TNR: variants seen among roughly 807,000 people sequenced by gnomAD.
TNR encodes tenascin-R.
In TNR, 45 loss-of-function variants were observed where a neutral mutation model predicts 150.4. That is an observed-to-expected ratio of 0.30 (90% CI 0.24 to 0.38). TNR has a LOEUF of 0.38. Among genes scored for constraint, TNR ranks in the 10% least tolerant of loss-of-function variants. The pLI, the probability that TNR is intolerant of heterozygous loss-of-function variation, is 1.00. For synonymous variants in TNR, 687 were observed against 678.4 expected, an observed-to-expected ratio of 1.01 and a Z score of -0.20; for missense variants, 1,544 against 1,759.1, an observed-to-expected ratio of 0.88 and a Z score of 2.19.
At chr1:175,607,674 T>A (rs1663455386) in intron 1 of TNR, among the ~76,000 whole-genome samples, 1 of 152,172 alleles carries the variant, frequency 6.6e-6, no homozygotes. Flanking sequence ...TCTGAAAGGA[T>A]CAAAGTGAAC....
intron 2 of TNR, among the ~76,000 whole-genome samples, chr1:175,462,411 G>GA (rs1292646204): frequency 6.6e-6 from 1 of 152,144 alleles, no homozygotes; most frequent in Non-Finnish European, 1.5e-5. Flanking sequence ...CGGGGAGGGA[G>GA]AAAAAATCAA....
Position 175,657,416 on chromosome 1 carries a change from C to T in TNR, c.-165+85810G>A, listed in dbSNP as rs142252696. Among the ~76,000 whole-genome samples the T allele has an allele frequency of 3.8e-3, 574 of 152,302 alleles. 12 individuals are homozygous for T. In the East Asian group the frequency reaches 0.053, roughly 14 times the overall value. On this transcript the variant is annotated intron_variant, in intron 1 of 22. Transcript: ENST00000367674. ...ACCATTTGACCCAGCCATCCCATTA[C>T]TGGGTATATACCCAAAGGATTATAA...
At chr1:175,404,620 G>A (rs990710341) in intron 3 of TNR, among the ~76,000 whole-genome samples, 6 of 152,198 alleles carry the variant, frequency 3.9e-5, no homozygotes, top group South Asian at 2.1e-4. Context: ...ACTTCATGCC[G>A]CCCCCATGAA....
chr1:175,497,282 T>C (rs1658528975), intron 2 of TNR, among the ~76,000 whole-genome samples: 2 of 152,216 alleles, frequency 1.3e-5, no homozygotes, highest in Non-Finnish European at 2.9e-5. Flanking sequence ...CTCTGAGAGA[T>C]CATGTGCTCC....
At chr1:175,543,184 A>C (rs922537816) in intron 1 of TNR, among the ~76,000 whole-genome samples, 12 of 152,200 alleles carry the variant, frequency 7.9e-5, no homozygotes, top group African/African-American at 2.9e-4. Flanking sequence ...TGGGGCAGAA[A>C]GGGTAATAGG....
chr1:175,461,112 C>T (rs961007829), intron 2 of TNR, among the ~76,000 whole-genome samples: 3 of 152,202 alleles, frequency 2.0e-5, no homozygotes, highest in Non-Finnish European at 2.9e-5. Context: ...CCTCAAGAAT[C>T]GCTCCCTTCC....
At chr1:175,651,545 A>G (rs1664997345) in intron 1 of TNR, among the ~76,000 whole-genome samples, 1 of 152,054 alleles carries the variant, frequency 6.6e-6, no homozygotes, top group Non-Finnish European at 1.5e-5. Flanking sequence ...CAAAAAATAT[A>G]TAAAATATAT....
At chr1:175,467,807 T>A (rs886419158) in intron 2 of TNR, among the ~76,000 whole-genome samples, 2 of 152,180 alleles carry the variant, frequency 1.3e-5, no homozygotes, top group Non-Finnish European at 2.9e-5. Context: ...TGAGCTTAAA[T>A]AGCATTTATT....
chr1:175,490,207 A>G (rs536025601), intron 2 of TNR, among the ~76,000 whole-genome samples: 11 of 151,902 alleles, frequency 7.2e-5, no homozygotes, highest in Non-Finnish European at 1.5e-4. Flanking sequence ...TCCTTCCACC[A>G]TATAAAAAAT....
intron 1 of TNR, among the ~76,000 whole-genome samples, chr1:175,742,963 T>TACACACAC (rs66777686): frequency 0.017 from 2,487 of 147,870 alleles, 56 homozygotes; most frequent in African/African-American, 0.049. Flanking sequence ...TATGCAACAG[T>TACACACAC]ACACACACAC....
intron 1 of TNR, among the ~76,000 whole-genome samples, chr1:175,571,889 T>G (rs1413816727): frequency 6.6e-6 from 1 of 151,854 alleles, no homozygotes; most frequent in Non-Finnish European, 1.5e-5. Context: ...ACCACCAGAG[T>G]CCAAGTGAAA....
intron 2 of TNR, among the ~76,000 whole-genome samples, chr1:175,526,241 C>A (rs909300997): frequency 3.3e-5 from 5 of 152,100 alleles, no homozygotes; most frequent in African/African-American, 1.2e-4. Context: ...GTACTAACAG[C>A]ATTAATATCA....
chr1:175,582,440 T>G (rs949623996), intron 1 of TNR, among the ~76,000 whole-genome samples: 2 of 152,230 alleles, frequency 1.3e-5, no homozygotes, highest in Non-Finnish European at 2.9e-5. Context: ...TAAAGACAGT[T>G]GCACCATCAC....
At chr1:175,515,324 C>T (rs986901708) in intron 2 of TNR, among the ~76,000 whole-genome samples, 9 of 152,138 alleles carry the variant, frequency 5.9e-5, no homozygotes, top group African/African-American at 1.7e-4. Flanking sequence ...TCTGTGCTCC[C>T]GCATATAGTA....
chr1:175,395,844 A>C (rs1424889495), intron 5 of TNR, among the ~76,000 whole-genome samples: 3 of 152,222 alleles, frequency 2.0e-5, no homozygotes, highest in Non-Finnish European at 4.4e-5. Context: ...ATGCTTGAAC[A>C]TACACAAAAT....
intron 1 of TNR, among the ~76,000 whole-genome samples, chr1:175,717,908 G>A (rs1667195691): frequency 6.6e-6 from 1 of 152,076 alleles, no homozygotes. Flanking sequence ...CTGCATAATC[G>A]AGAAAGCCAG....
chr1:175,391,869 A>T (rs945602165), intron 6 of TNR, among the ~76,000 whole-genome samples: 1 of 152,216 alleles, frequency 6.6e-6, no homozygotes, highest in Non-Finnish European at 1.5e-5. Flanking sequence ...TTGTGTGTAA[A>T]CATCTTTATA....
intron 2 of TNR, among the ~76,000 whole-genome samples, chr1:175,447,771 C>T (rs1445244679): frequency 6.6e-6 from 1 of 152,164 alleles, no homozygotes; most frequent in South Asian, 2.1e-4. Context: ...GCCTTAGCTC[C>T]GTGTGGTCAG....
intron 1 of TNR, among the ~76,000 whole-genome samples, chr1:175,608,713 TAGG>T (rs1350657689): frequency 1.3e-5 from 2 of 152,060 alleles, no homozygotes; most frequent in Non-Finnish European, 2.9e-5. Flanking sequence ...TGGGCAAGAA[TAGG>T]AGATTAAGAG....
Sources: allele counts gnomAD v4.1 joint callset (sites outside exome capture counted in the v4.1 genomes callset), GRCh38; gene constraint gnomAD v4.1.1; transcripts MANE v1.5; gene names NCBI Gene and HGNC (gene_info 2026-07-23, HGNC 2026-07-21).